Variants in FOCAD observed in about 807,000 individuals in gnomAD.
FOCAD encodes focadhesin.
FOCAD carries 198 observed loss-of-function variants against 225.6 expected under a neutral mutation model. That is an observed-to-expected ratio of 0.88 (90% CI 0.78 to 0.99). The LOEUF (loss-of-function observed/expected upper bound fraction) is 0.99. Ranked by LOEUF, FOCAD falls within the 50% of genes least tolerant of loss-of-function variation. FOCAD has a pLI of 0.00. For missense variants in FOCAD, 2,713 were observed against 2,123.6 expected, an observed-to-expected ratio of 1.28 and a Z score of -5.46; for synonymous variants, 897 against 755.0, an observed-to-expected ratio of 1.19 and a Z score of -3.08.
intron 26 of FOCAD, chr9:20,927,909 G>A (rs1222218805): frequency 1.3e-5 from 2 of 150,762 alleles, no homozygotes; most frequent in African/African-American, 2.4e-5. Flanking sequence ...TTCATCAGGG[G>A]CTTTGGGTTT....
intron 6 of FOCAD, 70 bp downstream of exon 6, chr9:20,758,261 G>T: frequency 2.9e-6 from 3 of 1,028,346 alleles, no homozygotes; most frequent in East Asian, 2.8e-5. Context: ...TAGAGCTAGG[G>T]TTTTTTTTTG....
intron 24 of FOCAD, among the ~76,000 whole-genome samples, chr9:20,920,998 T>TAAAC (rs1350080432): frequency 6.7e-6 from 1 of 150,256 alleles, no homozygotes; most frequent in Admixed American, 6.6e-5. Flanking sequence ...AATAAATAAA[T>TAAAC]AAATGAAGGT....
chr9:20,721,276 C>A (rs1465925128), intron 4 of FOCAD, among the ~76,000 whole-genome samples: 6 of 152,194 alleles, frequency 3.9e-5, no homozygotes, highest in Non-Finnish European at 1.5e-5. Context: ...TCTCACCAAG[C>A]CTCCCTCCTC....
chr9:20,903,822 C>T (rs979354907), intron 21 of FOCAD, among the ~76,000 whole-genome samples: 7 of 151,920 alleles, frequency 4.6e-5, no homozygotes, highest in Non-Finnish European at 8.8e-5. Flanking sequence ...GTACAACTAT[C>T]ACCTCTATTT....
At chr9:20,741,061 C>T (rs534436187) in intron 5 of FOCAD, among the ~76,000 whole-genome samples, 1 of 152,198 alleles carries the variant, frequency 6.6e-6, no homozygotes, top group South Asian at 2.1e-4. Flanking sequence ...TTCAGTGAGG[C>T]ATTCAGAATG....
intron 11 of FOCAD, among the ~76,000 whole-genome samples, chr9:20,792,899 C>A (rs909787640): frequency 6.6e-6 from 1 of 152,072 alleles, no homozygotes; most frequent in Non-Finnish European, 1.5e-5. Context: ...GGTCAAAAGC[C>A]ATATTTTAAC....
chr9:20,717,931 A>G, intron 3 of FOCAD, 63 bp downstream of exon 3: 4 of 1,265,492 alleles, frequency 3.2e-6, no homozygotes, highest in East Asian at 2.3e-5. Flanking sequence ...TGGATCACAT[A>G]TGCACCTGTC....
At chr9:20,870,253 T>G (rs1178741867) in intron 18 of FOCAD, among the ~76,000 whole-genome samples, 2 of 152,204 alleles carry the variant, frequency 1.3e-5, no homozygotes, top group African/African-American at 4.8e-5. Flanking sequence ...CCGTTTGGCT[T>G]TGATTTAAAG....
At chr9:20,747,717 T>A (rs572486796) in intron 5 of FOCAD, among the ~76,000 whole-genome samples, 3 of 152,206 alleles carry the variant, frequency 2.0e-5, no homozygotes, top group African/African-American at 7.2e-5. Flanking sequence ...GTTTCATTCA[T>A]GTTGTAGCAT....
chr9:20,834,592 T>C (rs914009172), intron 15 of FOCAD, among the ~76,000 whole-genome samples: 2 of 152,096 alleles, frequency 1.3e-5, no homozygotes, highest in Non-Finnish European at 2.9e-5. Flanking sequence ...CAGATATATC[T>C]TGAAAACATG....
chr9:20,892,412 C>T lies in FOCAD; in HGVS notation c.2625+7182C>T, dbSNP rs550417483. ...CCATGTAGATGTCATTAAGAACATC[C>T]GTGATTTATATGAAGAGGTCAAGAT... On this transcript the variant is annotated intron_variant, in intron 21 of 43. Coordinates refer to ENST00000338382, the MANE Select transcript of FOCAD (RefSeq NM_001375567.1). 4.6e-5 allele frequency among the ~76,000 whole-genome samples: 7 copies of T among 152,162 alleles called. 1 individual carries two copies. The highest frequency in any genetic ancestry group is 1.2e-4 in the African/African-American group (5 of 41,506).
chr9:20,875,530 G>T (rs1007807748), intron 19 of FOCAD: 1 of 151,498 alleles, frequency 6.6e-6, no homozygotes, highest in Non-Finnish European at 1.5e-5. Flanking sequence ...GGAGGTGGAG[G>T]TTGCAGGGAG....
chr9:20,936,308 A>G (rs1374722934), intron 28 of FOCAD, among the ~76,000 whole-genome samples: 2 of 152,242 alleles, frequency 1.3e-5, no homozygotes, highest in South Asian at 4.1e-4. Flanking sequence ...TTACAGCTAC[A>G]TTCATACTTT....
At chr9:20,663,474 AACACACACAC>A (rs367867901) in intron 2 of FOCAD, among the ~76,000 whole-genome samples, 16 of 149,046 alleles carry the variant, frequency 1.1e-4, no homozygotes, top group Middle Eastern at 3.5e-3. Flanking sequence ...TGTGTGCATG[AACACACACAC>A]ACACACACAC....
intron 1 of FOCAD, among the ~76,000 whole-genome samples, chr9:20,714,486 A>C (rs1166506027): frequency 6.6e-6 from 1 of 152,104 alleles, no homozygotes; most frequent in Non-Finnish European, 1.5e-5. Flanking sequence ...TTTTCAAAAT[A>C]ATGTAATTGG....
intron 4 of FOCAD, among the ~76,000 whole-genome samples, chr9:20,724,418 C>G (rs976324781): frequency 5.9e-5 from 9 of 151,998 alleles, no homozygotes; most frequent in Admixed American, 2.0e-4. Flanking sequence ...TTATAATAAG[C>G]AAATATAGGA....
Position 20,986,283 on chromosome 9 carries a change from T to TTTTTTTTTTTTTTTTTTTTTTA in FOCAD, c.4729-5_4729-4insTTTTTTTTTTTTTTTTTTTTTA. The TTTTTTTTTTTTTTTTTTTTTTA allele has an allele frequency of 1.4e-6, 2 of 1,476,878 alleles. No homozygotes were observed. The highest frequency in any genetic ancestry group is 2.5e-5 in the East Asian group (1 of 40,752). 91.5% of individuals were successfully genotyped at this position (1,476,878 alleles called of 1,614,324 possible). A position where few individuals can be genotyped will look rare whatever the true frequency, so the allele number is the denominator to read the frequency against. ...ACTAAACAATTTTTTTTTTTTTTTT[T>TTTTTTTTTTTTTTTTTTTTTTA]GCAGAGCAACATAGAAAAAGCTGCC... On this transcript the variant is annotated splice_polypyrimidine_tract_variant and splice_region_variant and intron_variant, in intron 39 of 43. Transcript: ENST00000338382.
chr9:20,782,004 C>G (rs1819428794), intron 10 of FOCAD, 75 bp downstream of exon 10: 1 of 1,250,588 alleles, frequency 8.0e-7, no homozygotes, highest in South Asian at 1.3e-5. Context: ...AATCTTGCCT[C>G]CTGATGAAGC....
chr9:20,673,719 C>T (rs1033896476), intron 2 of FOCAD, among the ~76,000 whole-genome samples: 2 of 152,146 alleles, frequency 1.3e-5, no homozygotes, highest in Non-Finnish European at 2.9e-5. Context: ...CCTCCCACCT[C>T]AGCCTCCCAG....
Sources: allele counts gnomAD v4.1 joint callset (sites outside exome capture counted in the v4.1 genomes callset), GRCh38; gene constraint gnomAD v4.1.1; transcripts MANE v1.5; gene names NCBI Gene and HGNC (gene_info 2026-07-23, HGNC 2026-07-21).